The following ITSN2 variants were observed in gnomAD, a reference collection of about 807,000 sequenced individuals.
ITSN2 encodes the protein intersectin-2.
A neutral mutation model predicts 243.7 loss-of-function variants in ITSN2; 156 were observed. That is an observed-to-expected ratio of 0.64 (90% confidence interval 0.56 to 0.73). The LOEUF is 0.73. Among genes scored for constraint, ITSN2 ranks in the 30% least tolerant of loss-of-function variants. The pLI is 0.00. For missense variants in ITSN2, 1,801 were observed against 1,996.1 expected, an observed-to-expected ratio of 0.90 and a Z score of 1.86; for synonymous variants, 703 against 699.9, an observed-to-expected ratio of 1.00 and a Z score of -0.07.
intron 17 of ITSN2, among the ~76,000 whole-genome samples, chr2:24,277,692 A>G (rs1337376709): frequency 6.6e-6 from 1 of 152,200 alleles, no homozygotes. Flanking sequence ...AAGTTATTTT[A>G]TAGTTTCCTC....
intron 29 of ITSN2, among the ~76,000 whole-genome samples, chr2:24,232,973 C>T (rs1671775540): frequency 6.6e-6 from 1 of 152,210 alleles, no homozygotes; most frequent in Non-Finnish European, 1.5e-5. Flanking sequence ...AAGGCCCTTA[C>T]TCTAACTCTT....
intron 30 of ITSN2, chr2:24,220,660 C>G: frequency 7.9e-7 from 1 of 1,262,236 alleles, no homozygotes; most frequent in Non-Finnish European, 9.9e-7. Flanking sequence ...GGGCTCCTGC[C>G]ACATCCAACG....
At chr2:24,314,318 A>G (rs1683647782) in intron 3 of ITSN2, among the ~76,000 whole-genome samples, 1 of 152,250 alleles carries the variant, frequency 6.6e-6, no homozygotes, top group Non-Finnish European at 1.5e-5. Flanking sequence ...TCAAATCCTG[A>G]TACCAGGTAA....
At chr2:24,258,330 G>T (rs922222401) in intron 22 of ITSN2, among the ~76,000 whole-genome samples, 2 of 152,138 alleles carry the variant, frequency 1.3e-5, no homozygotes, top group Non-Finnish European at 2.9e-5. Context: ...CACATCACTG[G>T]TAGAGAAGGT....
chr2:24,352,504 T>C (rs1688113150), intron 1 of ITSN2, among the ~76,000 whole-genome samples: 1 of 152,176 alleles, frequency 6.6e-6, no homozygotes, highest in African/African-American at 2.4e-5. Context: ...GGGTCCCAAA[T>C]ATACAAAGCA....
chr2:24,361,287 C>T (rs1021590902), upstream of ITSN2, among the ~76,000 whole-genome samples: 2 of 152,150 alleles, frequency 1.3e-5, no homozygotes, highest in African/African-American at 2.4e-5. Context: ...TCTTTTCTCC[C>T]CTCCCGGTTC....
At chr2:24,300,794 T>C (rs1051296060) in intron 11 of ITSN2, among the ~76,000 whole-genome samples, 3 of 152,168 alleles carry the variant, frequency 2.0e-5, no homozygotes, top group African/African-American at 7.2e-5. Flanking sequence ...GTCATTAACA[T>C]CCTAATATAT....
At chr2:24,319,321 T>A (rs1480049748) in intron 2 of ITSN2, among the ~76,000 whole-genome samples, 1 of 152,006 alleles carries the variant, frequency 6.6e-6, no homozygotes. Flanking sequence ...CCAGGAGGTA[T>A]GGTATTAAGA....
intron 15 of ITSN2, among the ~76,000 whole-genome samples, chr2:24,288,780 C>T (rs1318169922): frequency 4.6e-5 from 7 of 152,178 alleles, no homozygotes; most frequent in Non-Finnish European, 1.0e-4. Flanking sequence ...TTCCTCCTAT[C>T]TAACTGAAAT....
chr2:24,298,759 C>A lies in ITSN2; in HGVS notation c.1400G>T (p.Arg467Leu), dbSNP rs146154232. The change falls in exon 13 of 40, where the codon CGA becomes CTA. Residue 467 changes from arginine to leucine, a missense_variant. Around this residue, in one of 5 missense-constraint regions of ITSN2, gnomAD observed 787 missense variants for 803.9 expected, o/e 0.98. Coordinates refer to ENST00000355123, the MANE Select transcript of ITSN2 (RefSeq NM_006277.3). ...ATTCTTTTGATTGAGAAGCTCCTGT[C>A]GCCGAATTCTCTCCCATTCTAAGCG... ...QRRLEWERIR[R>L]QELLNQKNRE... 5.0e-6 allele frequency: 8 copies of A among 1,612,472 alleles called. No individual in the cohort carries two copies. In the African/African-American group the frequency reaches 9.4e-5, roughly 19 times the overall value.
chr2:24,314,433 C>T (rs1220470724), intron 3 of ITSN2, among the ~76,000 whole-genome samples: 12 of 152,114 alleles, frequency 7.9e-5, no homozygotes, highest in Admixed American at 6.6e-4. Flanking sequence ...ATCTTTGTAA[C>T]CTTAGGCAGT....
At chr2:24,207,873 G>T (rs1669067348) in intron 37 of ITSN2, among the ~76,000 whole-genome samples, 1 of 151,858 alleles carries the variant, frequency 6.6e-6, no homozygotes, top group Non-Finnish European at 1.5e-5. Flanking sequence ...AGGAGCAGTG[G>T]CTGCTCAGGA....
At chr2:24,220,517 G>A (rs1045853071) in intron 30 of ITSN2, 4 of 1,006,244 alleles carry the variant, frequency 4.0e-6, no homozygotes, top group Non-Finnish European at 4.7e-6. Flanking sequence ...CACTTTCACT[G>A]TTTCACAGTT....
chr2:24,310,024 G>T (rs1380310802), intron 7 of ITSN2, among the ~76,000 whole-genome samples: 2 of 151,686 alleles, frequency 1.3e-5, no homozygotes, highest in Non-Finnish European at 2.9e-5. Flanking sequence ...ACAGCTTTAG[G>T]CAAAGAAAAA....
intron 22 of ITSN2, among the ~76,000 whole-genome samples, chr2:24,259,911 G>T (rs1645494256): frequency 6.6e-6 from 1 of 152,086 alleles, no homozygotes; most frequent in Admixed American, 6.5e-5. Context: ...CTACTGAATG[G>T]TGAGTTTCTG....
At chr2:24,299,450 T>C (rs1681450469) in intron 12 of ITSN2, among the ~76,000 whole-genome samples, 1 of 152,188 alleles carries the variant, frequency 6.6e-6, no homozygotes, top group Non-Finnish European at 1.5e-5. Context: ...AGGACCCTTC[T>C]TTCCCAGCAA....
intron 1 of ITSN2, among the ~76,000 whole-genome samples, chr2:24,358,333 G>C (rs1393289533): frequency 6.6e-6 from 1 of 152,232 alleles, no homozygotes; most frequent in Non-Finnish European, 1.5e-5. Context: ...GAGACCTAAA[G>C]TAGTCAAACT....
In ITSN2 at chr2:24,244,339, C is replaced by G. The variant is rs920292830; in HGVS notation, c.3577+1790G>C. On this transcript the variant is annotated intron_variant, in intron 29 of 39. Coordinates refer to ENST00000355123, the MANE Select transcript of ITSN2 (RefSeq NM_006277.3). ...TCTGCAGAGGGGAAACTGAAAGGACCTTCATAAAATAGGCGGGGGAAAGGT... is the reference window on the plus strand; with the variant it reads ...TCTGCAGAGGGGAAACTGAAAGGACGTTCATAAAATAGGCGGGGGAAAGGT... 3.9e-5 allele frequency among the ~76,000 whole-genome samples: 6 copies of G among 152,232 alleles called. No individual in the cohort carries two copies. In the South Asian group the frequency reaches 8.3e-4, roughly 21 times the overall value.
At chr2:24,357,050 T>C (rs779572875) in intron 1 of ITSN2, among the ~76,000 whole-genome samples, 56 of 152,208 alleles carry the variant, frequency 3.7e-4, no homozygotes, top group Non-Finnish European at 6.8e-4. Flanking sequence ...GGTTCAACCA[T>C]AGTGGAAGAT....
Sources: gnomAD v4.1 joint callset for allele counts (sites outside exome capture counted in the v4.1 genomes callset) on GRCh38, gnomAD v4.1.1 for gene constraint, gnomAD v4.1.1 regional missense constraint, MANE v1.5 for transcripts, NCBI Gene and HGNC (gene_info 2026-07-23, HGNC 2026-07-21) for gene names.